The following ALCAM variants were observed in gnomAD, a reference collection of about 807,000 sequenced individuals.
ALCAM encodes activated leukocyte cell adhesion molecule, also known as CD166 antigen.
A neutral mutation model predicts 70.9 loss-of-function variants in ALCAM; 30 were observed. The ratio of observed to expected loss-of-function variants is 0.42; its 90% confidence interval spans 0.32 to 0.57. The LOEUF (loss-of-function observed/expected upper bound fraction) is 0.57. Ranked by LOEUF, ALCAM falls within the 20% of genes least tolerant of loss-of-function variation. ALCAM has a pLI of 0.11. For missense variants in ALCAM, 591 were observed against 695.1 expected (o/e 0.85, Z 1.68); for synonymous variants, 249 against 242.5 (o/e 1.03, Z -0.25).
chr3:105,559,289 A>T (rs1940583630), intron 14 of ALCAM, among the ~76,000 whole-genome samples: 1 of 145,576 alleles, frequency 6.9e-6, no homozygotes, highest in Non-Finnish European at 1.5e-5. Flanking sequence ...CATATATAAT[A>T]TATACATATA....
intron 1 of ALCAM, among the ~76,000 whole-genome samples, chr3:105,380,237 A>G (rs1260994373): frequency 6.6e-6 from 1 of 151,852 alleles, no homozygotes; most frequent in Non-Finnish European, 1.5e-5. Flanking sequence ...GATATTCATC[A>G]TCTTATCTAT....
intron 11 of ALCAM, among the ~76,000 whole-genome samples, 154 bp from the exon 12 acceptor site, chr3:105,549,973 A>G (rs77118855): frequency 0.021 from 3,249 of 151,604 alleles, 94 homozygotes; most frequent in African/African-American, 0.071. Flanking sequence ...AGATATTGGC[A>G]TACATGGGTC....
intron 1 of ALCAM, among the ~76,000 whole-genome samples, chr3:105,405,739 A>G (rs1235383082): frequency 6.6e-6 from 1 of 152,238 alleles, no homozygotes; most frequent in African/African-American, 2.4e-5. Context: ...TTGGAAATCA[A>G]TTCCAAAGGG....
At chr3:105,388,631 C>T (rs1935718882) in intron 1 of ALCAM, among the ~76,000 whole-genome samples, 1 of 151,442 alleles carries the variant, frequency 6.6e-6, no homozygotes, top group Non-Finnish European at 1.5e-5. Flanking sequence ...GTTTCAAATT[C>T]TTTATGATTT....
At chr3:105,472,377 A>T (rs1410354409) in intron 1 of ALCAM, among the ~76,000 whole-genome samples, 1 of 151,538 alleles carries the variant, frequency 6.6e-6, no homozygotes, top group East Asian at 1.9e-4. Flanking sequence ...TAAATTCTAA[A>T]GTTTAAGTCT....
intron 1 of ALCAM, chr3:105,440,993 A>C (rs1406933305): frequency 6.6e-6 from 1 of 152,264 alleles, no homozygotes; most frequent in Non-Finnish European, 1.5e-5. Flanking sequence ...AGAAACTTCA[A>C]CTGATTTTTA....
intron 1 of ALCAM, among the ~76,000 whole-genome samples, chr3:105,375,896 C>G (rs1186353111): frequency 6.6e-6 from 1 of 152,194 alleles, no homozygotes; most frequent in Non-Finnish European, 1.5e-5. Context: ...GGTGTGACAA[C>G]AGCAAAGACG....
intron 3 of ALCAM, among the ~76,000 whole-genome samples, chr3:105,525,774 T>G (rs958590549): frequency 3.3e-5 from 5 of 152,220 alleles, no homozygotes. Flanking sequence ...AAGAACCTTG[T>G]AAGAGCATAT....
intron 1 of ALCAM, among the ~76,000 whole-genome samples, chr3:105,389,178 AG>A (rs1158486523): frequency 6.6e-6 from 1 of 151,506 alleles, no homozygotes; most frequent in Non-Finnish European, 1.5e-5. Context: ...ACATTCAAAC[AG>A]AAAAGAGGAA....
At chr3:105,544,243 G>T (rs536258904) in intron 8 of ALCAM, among the ~76,000 whole-genome samples, 1 of 151,588 alleles carries the variant, frequency 6.6e-6, no homozygotes, top group East Asian at 1.9e-4. Context: ...TACAAAATCT[G>T]CCAAGCTTTC....
rs1486994278 is a variant in ALCAM, at chr3:105,552,269, C to T, written c.1546+87C>T. ...TGGTATAAGTAATTTTCTTAGCTGT[C>T]CACAATTTTGACTTGAATTAAAATA... On this transcript the variant is annotated intron_variant, in intron 13 of 15. Transcript: ENST00000306107. 2.1e-6 allele frequency: 3 copies of T among 1,400,112 alleles called. No homozygotes were observed. The South Asian group carries it at 3.9e-5, about 18-fold the overall frequency. The allele number at this position is 1,400,112 out of a possible 1,614,324, so 86.7% of individuals were successfully genotyped here. A position where few individuals can be genotyped will look rare whatever the true frequency, so the allele number is the denominator to read the frequency against.
chr3:105,486,645 G>C (rs913232994), intron 1 of ALCAM, among the ~76,000 whole-genome samples: 2 of 151,928 alleles, frequency 1.3e-5, no homozygotes, highest in Non-Finnish European at 2.9e-5. Context: ...AATTACACTG[G>C]TTTTTTACTA....
chr3:105,483,806 T>C (rs1413318343), intron 1 of ALCAM, among the ~76,000 whole-genome samples: 3 of 152,044 alleles, frequency 2.0e-5, no homozygotes, highest in South Asian at 4.1e-4. Flanking sequence ...AGAAGTTGCA[T>C]TGGGGTGAAA....
At chr3:105,412,289 A>G (rs949151875) in intron 1 of ALCAM, among the ~76,000 whole-genome samples, 1 of 152,124 alleles carries the variant, frequency 6.6e-6, no homozygotes, top group Non-Finnish European at 1.5e-5. Flanking sequence ...TGGTGAAACA[A>G]AGAACATCAA....
chr3:105,527,756 G>A (rs1195888856), intron 3 of ALCAM, among the ~76,000 whole-genome samples: 1 of 152,032 alleles, frequency 6.6e-6, no homozygotes, highest in Non-Finnish European at 1.5e-5. Context: ...TTATGATGAT[G>A]ATAGGCCATG....
chr3:105,564,164 A>G (rs561099906), intron 14 of ALCAM, among the ~76,000 whole-genome samples: 4 of 152,058 alleles, frequency 2.6e-5, no homozygotes, highest in African/African-American at 9.6e-5. Context: ...TATAATTGTC[A>G]TTTAGGATTA....
At chr3:105,504,153 G>T (rs975288127) in intron 1 of ALCAM, among the ~76,000 whole-genome samples, 1 of 152,168 alleles carries the variant, frequency 6.6e-6, no homozygotes, top group African/African-American at 2.4e-5. Flanking sequence ...CAGGGCATGC[G>T]ACAGGGGTAG....
chr3:105,545,420 G>A (rs1183726514), intron 9 of ALCAM, 85 bp downstream of exon 9: 3 of 867,324 alleles, frequency 3.5e-6, no homozygotes, highest in South Asian at 2.9e-5. Flanking sequence ...ATTCAAGTAG[G>A]TATATTCATG....
chr3:105,373,459 A>G lies in ALCAM; in HGVS notation c.73+5978A>G, dbSNP rs140986601. On this transcript the variant is annotated intron_variant, in intron 1 of 15. Coordinates refer to ENST00000306107, the MANE Select transcript of ALCAM (RefSeq NM_001627.4). ...TCACCTTAGAAATTGATATAAGTAG[A>G]TTTTTATCCTCTCCATCTGTATAGT... Among the ~76,000 whole-genome samples the G allele has an allele frequency of 3.8e-3, 584 of 152,240 alleles. 6 individuals carry two copies. Among genetic ancestry groups the G allele is most frequent in the Middle Eastern group, 0.027 (8 of 294 alleles).
Sources: allele counts gnomAD v4.1 joint callset (sites outside exome capture counted in the v4.1 genomes callset), GRCh38; gene constraint gnomAD v4.1.1; transcripts MANE v1.5; gene names NCBI Gene and HGNC (gene_info 2026-07-23, HGNC 2026-07-21).